The following ADAM2 variants were observed in gnomAD, a reference collection of about 807,000 sequenced individuals.
ADAM2 encodes disintegrin and metalloproteinase domain-containing protein 2.
In ADAM2, 101 loss-of-function variants were observed where a neutral mutation model predicts 99.3. The ratio of observed to expected loss-of-function variants is 1.02; its 90% CI spans 0.87 to 1.20. The LOEUF is 1.20. ADAM2 is among the 50% of genes most tolerant of loss of function. The pLI is 0.00. For synonymous variants in ADAM2, 323 were observed against 287.6 expected (o/e 1.12, Z -1.25); for missense variants, 948 against 878.7 (o/e 1.08, Z -1.00).
intron 6 of ADAM2, among the ~76,000 whole-genome samples, chr8:39,815,656 T>C (rs1804912821): frequency 6.6e-6 from 1 of 152,146 alleles, no homozygotes; most frequent in African/African-American, 2.4e-5. Context: ...GGGCAGGGAA[T>C]TACATGAAAT....
chr8:39,752,722 T>C (rs1424159187), intron 16 of ADAM2, among the ~76,000 whole-genome samples: 1 of 152,178 alleles, frequency 6.6e-6, no homozygotes, highest in African/African-American at 2.4e-5. Context: ...AATTGAATTA[T>C]GGCGGCAGGT....
chr8:39,746,463 T>A lies in ADAM2; in HGVS notation c.2174+9A>T, dbSNP rs370341729. 11 of 1,524,370 alleles carry A rather than the reference T, an allele frequency of 7.2e-6. No individual in the cohort carries two copies. Among genetic ancestry groups the A allele is most frequent in the Non-Finnish European group, 9.7e-6 (11 of 1,135,868 alleles). 94.4% of individuals were successfully genotyped at this position (1,524,370 alleles called of 1,614,324 possible). On this transcript the variant is annotated intron_variant, in intron 19 of 20. Coordinates refer to ENST00000265708, the MANE Select transcript of ADAM2 (RefSeq NM_001464.5). Reference sequence around the variant, plus strand: ...CAAATAACAAATCTTAAATATGAAATCAATATACTCATCGCTTGAATAGTC... The same window carrying A: ...CAAATAACAAATCTTAAATATGAAAACAATATACTCATCGCTTGAATAGTC...
At chr8:39,747,683 C>A (rs554155716) in intron 18 of ADAM2, among the ~76,000 whole-genome samples, 1 of 152,078 alleles carries the variant, frequency 6.6e-6, no homozygotes. Flanking sequence ...CCAATAAAAT[C>A]CTTGCTTGGA....
At chr8:39,810,110 C>CA (rs1223302495) in intron 6 of ADAM2, among the ~76,000 whole-genome samples, 12 of 148,740 alleles carry the variant, frequency 8.1e-5, no homozygotes, top group Admixed American at 2.0e-4. Context: ...AAATGGAAAA[C>CA]AAAAAAAAAG....
At chr8:39,831,707 G>A (rs940499419) in intron 3 of ADAM2, among the ~76,000 whole-genome samples, 1 of 152,030 alleles carries the variant, frequency 6.6e-6, no homozygotes, top group Non-Finnish European at 1.5e-5. Context: ...GAGTAGATTA[G>A]ACATACATAA....
At chr8:39,821,507 T>C in intron 5 of ADAM2, 79 bp downstream of exon 5, 1 of 1,145,424 alleles carries the variant, frequency 8.7e-7, no homozygotes, top group Non-Finnish European at 1.3e-6. Context: ...TTAGAACCAC[T>C]GAATATTATG....
At chr8:39,771,344 G>T (rs147912703) in intron 11 of ADAM2, among the ~76,000 whole-genome samples, 3 of 152,026 alleles carry the variant, frequency 2.0e-5, no homozygotes, top group African/African-American at 4.8e-5. Flanking sequence ...TTTTACTTCA[G>T]AATATTTACC....
At chr8:39,836,538 CA>C (rs542193345) in intron 2 of ADAM2, among the ~76,000 whole-genome samples, 10,903 of 140,226 alleles carry the variant, frequency 0.078, 452 homozygotes, top group Non-Finnish European at 0.099. Context: ...GCTACCAAAC[CA>C]AAAAAAAAAA....
At chr8:39,838,072 G>T in intron 1 of ADAM2, 59 bp downstream of exon 1, 2 of 1,566,926 alleles carry the variant, frequency 1.3e-6, no homozygotes, top group Non-Finnish European at 1.8e-6. Context: ...TAACTTGGAG[G>T]CAAAGGGAGA....
At position 39,788,164 on chromosome 8, in the gene ADAM2, T is replaced by G. The variant is rs778523904; in HGVS notation, c.730A>C (p.Asn244His). The G allele has an allele frequency of 6.3e-7, 1 of 1,590,198 alleles. No individual in the cohort carries two copies. The highest frequency in any genetic ancestry group is 8.6e-7 in the Non-Finnish European group (1 of 1,167,200). ...CTTAAAAATGTGTGTAATAACTCAT[T>G]AGCTTCTCCAGTGGTTGCAATTTTA... ...ENKIATTGEANELLHTFLRWK... is the reference protein window; with the variant it reads ...ENKIATTGEAHELLHTFLRWK... Residue 244 changes from asparagine (N) to histidine (H), a missense_variant, in exon 9 of 21, where the codon AAT becomes CAT. Asn to His is a moderately conservative substitution (Grantham distance 68). Coordinates refer to ENST00000265708, the MANE Select transcript of ADAM2 (RefSeq NM_001464.5).
chr8:39,821,702 G>T, intron 4 of ADAM2, 40 bp from the exon 5 acceptor site: 2 of 1,350,548 alleles, frequency 1.5e-6, no homozygotes, highest in Non-Finnish European at 1.1e-6. Context: ...AGAATGGTTT[G>T]TGTTACAGAT....
At chr8:39,764,655 G>A (rs202014) in intron 14 of ADAM2, among the ~76,000 whole-genome samples, 27,690 of 152,024 alleles carry the variant, frequency 0.18, 2,831 homozygotes, top group East Asian at 0.29. Context: ...GGTGCTATTA[G>A]TGTTGGCCTC....
At chr8:39,782,736 G>C (rs1198811337) in intron 10 of ADAM2, among the ~76,000 whole-genome samples, 1 of 151,732 alleles carries the variant, frequency 6.6e-6, no homozygotes, top group East Asian at 1.9e-4. Flanking sequence ...ACTAATATTT[G>C]GATAATTTGT....
chr8:39,814,294 G>A (rs998423651), intron 6 of ADAM2, among the ~76,000 whole-genome samples: 2 of 151,998 alleles, frequency 1.3e-5, no homozygotes, highest in African/African-American at 4.8e-5. Context: ...GGGAGGCAGA[G>A]GTTGCAGTGA....
intron 8 of ADAM2, 149 bp from the exon 9 acceptor site, chr8:39,788,400 A>T (rs1803566686): frequency 1.8e-6 from 1 of 563,238 alleles, no homozygotes; most frequent in Non-Finnish European, 2.9e-6. Flanking sequence ...TAAGTTTAAA[A>T]TGTTACTAAT....
In ADAM2 at chr8:39,837,196, A is replaced by G. The variant is rs1222372855; in HGVS notation, c.72T>C (p.Pro24=). 6.2e-7 allele frequency: 1 copy of G among 1,608,522 alleles called. No individual in the cohort carries two copies. Among genetic ancestry groups the G allele is most frequent in the African/African-American group, 1.3e-5 (1 of 74,886 alleles). ...LRMDSNFDSL[P]VQITVPEKIR... ...TTTTCTCCGGAACTGTAATTTGCAC[A>G]GGTAAACTATCAAAATCTGCAAAAT... Residue 24 remains proline (P), a synonymous_variant, in exon 2 of 21, where the codon CCT becomes CCC. Transcript: ENST00000265708.
intron 18 of ADAM2, 122 bp from the exon 19 acceptor site, chr8:39,746,753 CAT>C: frequency 2.5e-6 from 2 of 786,306 alleles, no homozygotes; most frequent in South Asian, 4.1e-5. Flanking sequence ...TAAAAATTAA[CAT>C]ATTTTCTATG....
chr8:39,754,425 G>A (rs1389996427), intron 16 of ADAM2, among the ~76,000 whole-genome samples: 3 of 152,178 alleles, frequency 2.0e-5, no homozygotes, highest in Admixed American at 6.5e-5. Flanking sequence ...GCCACTCTTG[G>A]TGGTTCCCAT....
rs1001893913 is a variant in ADAM2, at chr8:39,838,188, CTT to C, written c.-5_-4del. ...AGCAGAAACAAGACGCGCCACATGG[CTT>C]GAAGTCCTGGGTCCCAGCCGGAATA... On this transcript the variant is annotated 5_prime_UTR_variant, in exon 1 of 21. Coordinates refer to ENST00000265708, the MANE Select transcript of ADAM2 (RefSeq NM_001464.5). 8 of 1,614,034 alleles carry C rather than the reference CTT, an allele frequency of 5.0e-6. No homozygotes were observed. The Admixed American group carries it at 6.7e-5, about 13-fold the overall frequency.
Sources: allele counts gnomAD v4.1 joint callset (sites outside exome capture counted in the v4.1 genomes callset), GRCh38; gene constraint gnomAD v4.1.1; transcripts MANE v1.5; gene names NCBI Gene and HGNC (gene_info 2026-07-23, HGNC 2026-07-21).